PARD3B: variants seen among roughly 807,000 people sequenced by gnomAD.
The protein encoded by PARD3B is partitioning defective 3 homolog B.
PARD3B carries 103 observed loss-of-function variants against 130.2 expected under a neutral mutation model. The observed-to-expected ratio is 0.79, with a 90% confidence interval of 0.67 to 0.93. PARD3B has a LOEUF of 0.93. PARD3B is among the 40% of genes least tolerant of loss of function. The pLI is 0.00. For missense variants in PARD3B, 1,609 were observed against 1,499.2 expected, an observed-to-expected ratio of 1.07 and a Z score of -1.21; for synonymous variants, 583 against 553.2, an observed-to-expected ratio of 1.05 and a Z score of -0.76.
At chr2:205,412,887 T>C (rs909831681) in intron 19 of PARD3B, among the ~76,000 whole-genome samples, 7 of 152,168 alleles carry the variant, frequency 4.6e-5, no homozygotes, top group Admixed American at 1.3e-4. Flanking sequence ...AGTTGCTTGA[T>C]TGTGGTAATT....
intron 21 of PARD3B, among the ~76,000 whole-genome samples, chr2:205,528,643 C>T (rs2051443375): frequency 6.6e-6 from 1 of 152,054 alleles, no homozygotes; most frequent in Non-Finnish European, 1.5e-5. Flanking sequence ...AGACATGTGC[C>T]ACCACACCCA....
chr2:205,385,538 A>T (rs1032032307), intron 18 of PARD3B, among the ~76,000 whole-genome samples: 3 of 152,168 alleles, frequency 2.0e-5, no homozygotes, highest in African/African-American at 7.2e-5. Flanking sequence ...ATTCTAAAAA[A>T]TATACTTAGC....
intron 2 of PARD3B, among the ~76,000 whole-genome samples, chr2:204,855,435 G>A (rs926598443): frequency 9.2e-5 from 14 of 151,764 alleles, no homozygotes; most frequent in Admixed American, 1.3e-4. Flanking sequence ...TCAGCTACTC[G>A]AGAGGCTGAG....
At chr2:205,108,134 A>C (rs1461356365) in intron 5 of PARD3B, among the ~76,000 whole-genome samples, 3 of 152,170 alleles carry the variant, frequency 2.0e-5, no homozygotes, top group Non-Finnish European at 4.4e-5. Flanking sequence ...CCATGTTTTG[A>C]TGCTTTATTC....
chr2:205,505,111 A>T (rs1005641762), intron 21 of PARD3B, among the ~76,000 whole-genome samples: 3 of 152,256 alleles, frequency 2.0e-5, no homozygotes, highest in Non-Finnish European at 2.9e-5. Flanking sequence ...GAAGCTGGAA[A>T]CCATCATTCT....
chr2:205,143,926 A>G (rs1430433337), intron 10 of PARD3B, among the ~76,000 whole-genome samples: 1 of 152,226 alleles, frequency 6.6e-6, no homozygotes, highest in Admixed American at 6.5e-5. Context: ...TCTATAATAT[A>G]TCATTAACCC....
In PARD3B at chr2:205,341,467, T is replaced by C. The variant is rs977208927; in HGVS notation, c.2630+39766T>C. Among the ~76,000 whole-genome samples the C allele has an allele frequency of 6.6e-6, 1 of 152,150 alleles. No homozygotes were observed. Among genetic ancestry groups the C allele is most frequent in the African/African-American group, 2.4e-5 (1 of 41,448 alleles). On this transcript the variant is annotated intron_variant, in intron 18 of 22. Coordinates refer to ENST00000406610, the MANE Select transcript of PARD3B (RefSeq NM_001302769.2). The surrounding 1 kb of genome is among the most constrained non-coding windows in gnomAD (Gnocchi z 4.3). Reference sequence around the variant, plus strand: ...ACATGGATGAGCCTGGAGGACATTATGTTAAACAAAATAAGTCAGGCACAG... The same window carrying C: ...ACATGGATGAGCCTGGAGGACATTACGTTAAACAAAATAAGTCAGGCACAG...
At chr2:205,439,157 C>T (rs1004066847) in intron 19 of PARD3B, among the ~76,000 whole-genome samples, 5 of 151,998 alleles carry the variant, frequency 3.3e-5, no homozygotes, top group African/African-American at 4.8e-5. Flanking sequence ...TGTTTTTGTT[C>T]GAATAGGGGA....
Position 204,555,557 on chromosome 2 carries a change from TA to T in PARD3B, c.120+9446del, listed in dbSNP as rs372949610. Among the ~76,000 whole-genome samples the T allele has an allele frequency of 1.8e-4, 28 of 152,010 alleles. No individual in the cohort carries two copies. In the East Asian group the frequency reaches 4.5e-3, roughly 24 times the overall value. On this transcript the variant is annotated intron_variant, in intron 1 of 22. Coordinates refer to ENST00000406610, the MANE Select transcript of PARD3B (RefSeq NM_001302769.2). ...TGGGCAACAGAGCAAGATGCCGTCT[TA>T]AAAAAAATTTATATCCATGAGTATG...
chr2:204,777,874 A>T (rs933770480), intron 2 of PARD3B, among the ~76,000 whole-genome samples: 1 of 152,096 alleles, frequency 6.6e-6, no homozygotes, highest in Non-Finnish European at 1.5e-5. Flanking sequence ...AGGTGATTGG[A>T]TCAAGAGGGT....
At chr2:204,723,760 AATT>A (rs2039097446) in intron 2 of PARD3B, among the ~76,000 whole-genome samples, 1 of 152,136 alleles carries the variant, frequency 6.6e-6, no homozygotes, top group African/African-American at 2.4e-5. Flanking sequence ...AGTTCATAGT[AATT>A]ATAGGAGAAA....
chr2:204,825,542 TACA>T (rs1300949938), intron 2 of PARD3B, among the ~76,000 whole-genome samples: 2 of 152,242 alleles, frequency 1.3e-5, no homozygotes, highest in African/African-American at 2.4e-5. Flanking sequence ...ATGACTAGGC[TACA>T]ACTTCTTTGC....
chr2:205,543,479 G>A (rs2052254915), intron 21 of PARD3B, among the ~76,000 whole-genome samples: 2 of 152,132 alleles, frequency 1.3e-5, no homozygotes, highest in Admixed American at 1.3e-4. Flanking sequence ...ACCACCATGG[G>A]TTCATTTGAA....
At chr2:204,652,850 T>C (rs1252615807) in intron 1 of PARD3B, among the ~76,000 whole-genome samples, 2 of 151,024 alleles carry the variant, frequency 1.3e-5, no homozygotes, top group Non-Finnish European at 2.9e-5. Context: ...CAAGCACATA[T>C]TACCATTGTG....
chr2:205,319,474 GTATT>G (rs2042675241), intron 18 of PARD3B, among the ~76,000 whole-genome samples: 1 of 152,144 alleles, frequency 6.6e-6, no homozygotes, highest in South Asian at 2.1e-4. Flanking sequence ...TGACTTTAAA[GTATT>G]TATCTGTCAT....
Position 205,160,919 on chromosome 2 carries a change from C to T in PARD3B, c.1620+2012C>T, listed in dbSNP as rs1039412859. Among the ~76,000 whole-genome samples the T allele has an allele frequency of 5.3e-5, 8 of 152,152 alleles. No individual in the cohort carries two copies. Among genetic ancestry groups the T allele is most frequent in the African/African-American group, 1.9e-4 (8 of 41,442 alleles). On this transcript the variant is annotated intron_variant, in intron 11 of 22. Transcript: ENST00000406610. The surrounding 1 kb of genome is among the most constrained non-coding windows in gnomAD (Gnocchi z 4.0). ...TATGCTGCACTGAAATGAAGCTCTT[C>T]CATATGATCCATTCATGTTCCTAGA...
In PARD3B at chr2:205,617,972, G is replaced by C. The variant is rs2055488216; in HGVS notation, c.*2159G>C. ...GGGGCAGCCAGGGGTGATGGTGTCA[G>C]GTGAGAATCCTGTGTCTTGAAGGAG... On this transcript the variant is annotated 3_prime_UTR_variant, in exon 23 of 23. Coordinates refer to ENST00000406610, the MANE Select transcript of PARD3B (RefSeq NM_001302769.2). 1 of 152,298 alleles carries C rather than the reference G, an allele frequency of 6.6e-6. No homozygotes were observed. Among genetic ancestry groups the C allele is most frequent in the African/African-American group, 2.4e-5 (1 of 41,438 alleles). The allele number at this position is 152,298 out of a possible 1,614,324, so 9.4% of individuals were successfully genotyped here. A position where few individuals can be genotyped will look rare whatever the true frequency, so the allele number is the denominator to read the frequency against.
intron 15 of PARD3B, among the ~76,000 whole-genome samples, chr2:205,195,817 A>G (rs931594994): frequency 4.3e-5 from 5 of 117,408 alleles, no homozygotes; most frequent in Non-Finnish European, 9.1e-5. Flanking sequence ...GCATTTTCAT[A>G]TGGTTCAAAA....
At chr2:204,860,679 T>C (rs1362951698) in intron 2 of PARD3B, among the ~76,000 whole-genome samples, 1 of 152,314 alleles carries the variant, frequency 6.6e-6, no homozygotes, top group East Asian at 1.9e-4. Flanking sequence ...GATTGGAACG[T>C]AGTTTCATAT....
Sources: allele counts gnomAD v4.1 joint callset (sites outside exome capture counted in the v4.1 genomes callset), GRCh38; gene constraint gnomAD v4.1.1; non-coding constraint Gnocchi (gnomAD v3.1); transcripts MANE v1.5; gene names NCBI Gene and HGNC (gene_info 2026-07-23, HGNC 2026-07-21).